Variants in STT3B observed in about 807,000 individuals in gnomAD.
STT3B encodes dolichyl-diphosphooligosaccharide--protein glycosyltransferase subunit STT3B.
STT3B carries 29 observed loss-of-function variants against 96.8 expected under a neutral mutation model. That is an observed-to-expected ratio of 0.30 (90% CI 0.22 to 0.41). The LOEUF (loss-of-function observed/expected upper bound fraction) is 0.41. Among genes scored for constraint, STT3B ranks in the 10% least tolerant of loss-of-function variants. STT3B has a pLI of 1.00. For missense variants in STT3B, 640 were observed against 1,022.3 expected (o/e 0.63, Z 5.10); for synonymous variants, 367 against 360.0 (o/e 1.02, Z -0.22).
chr3:31,581,674 G>T (rs558177350), intron 3 of STT3B, among the ~76,000 whole-genome samples: 10 of 152,290 alleles, frequency 6.6e-5, no homozygotes, highest in South Asian at 2.1e-4. Context: ...TGCAGTGTCT[G>T]TCTGTCTTAG....
intron 1 of STT3B, among the ~76,000 whole-genome samples, chr3:31,552,879 G>A (rs1052294807): frequency 6.6e-6 from 1 of 151,956 alleles, no homozygotes; most frequent in African/African-American, 2.4e-5. Flanking sequence ...CGAGACGGGC[G>A]GATCACGAGG....
intron 1 of STT3B, among the ~76,000 whole-genome samples, chr3:31,541,691 C>T (rs1431423401): frequency 6.6e-6 from 1 of 152,116 alleles, no homozygotes; most frequent in East Asian, 1.9e-4. Context: ...ATTCTCCTGC[C>T]TCAGCCTTCT....
intron 3 of STT3B, among the ~76,000 whole-genome samples, chr3:31,582,150 G>C (rs1698419718): frequency 6.6e-6 from 1 of 151,170 alleles, no homozygotes; most frequent in African/African-American, 2.5e-5. Flanking sequence ...TGGTTTCATT[G>C]ATTTTTTTCT....
At chr3:31,549,234 A>G (rs1356505959) in intron 1 of STT3B, among the ~76,000 whole-genome samples, 1 of 152,066 alleles carries the variant, frequency 6.6e-6, no homozygotes, top group Non-Finnish European at 1.5e-5. Context: ...CATTAGGAAC[A>G]AGTATATCCA....
chr3:31,633,280 T>A, intron 15 of STT3B, 133 bp downstream of exon 15: 2 of 770,746 alleles, frequency 2.6e-6, no homozygotes, highest in Non-Finnish European at 4.1e-6. Flanking sequence ...TAATACGAAG[T>A]AAATATCAGC....
intron 7 of STT3B, among the ~76,000 whole-genome samples, chr3:31,617,356 A>G (rs1184398884): frequency 6.6e-6 from 1 of 151,600 alleles, no homozygotes; most frequent in East Asian, 1.9e-4. Flanking sequence ...TCTTGCATGC[A>G]CACACACTCC....
At chr3:31,533,883 C>G (rs1317702386) in intron 1 of STT3B, among the ~76,000 whole-genome samples, 1 of 152,172 alleles carries the variant, frequency 6.6e-6, no homozygotes, top group African/African-American at 2.4e-5. Flanking sequence ...TTTACTGTTT[C>G]TTTTTATGCT....
chr3:31,586,155 GGTA>G (rs1698530548), intron 3 of STT3B, among the ~76,000 whole-genome samples: 1 of 152,088 alleles, frequency 6.6e-6, no homozygotes, highest in Admixed American at 6.6e-5. Flanking sequence ...CTTGTAGGTA[GGTA>G]GTAGTATCTT....
intron 1 of STT3B, among the ~76,000 whole-genome samples, chr3:31,553,917 G>A (rs1365310078): frequency 6.6e-6 from 1 of 151,974 alleles, no homozygotes; most frequent in Non-Finnish European, 1.5e-5. Context: ...TGGCCCTGAA[G>A]TGAATAGTTA....
At chr3:31,533,547 C>T (rs1336070320) in intron 1 of STT3B, 2 of 398,820 alleles carry the variant, frequency 5.0e-6, no homozygotes, top group Non-Finnish European at 8.0e-6. Context: ...CCTTGATTCT[C>T]GGCCGGGCTA....
In STT3B at chr3:31,636,101, C is replaced by A; in HGVS notation, c.*37C>A. The A allele has an allele frequency of 6.7e-7, 1 of 1,489,172 alleles. No individual in the cohort carries two copies. Among genetic ancestry groups the A allele is most frequent in the Non-Finnish European group, 9.2e-7 (1 of 1,090,666 alleles). 92.2% of individuals were successfully genotyped at this position (1,489,172 alleles called of 1,614,324 possible). A position where few individuals can be genotyped will look rare whatever the true frequency, so the allele number is the denominator to read the frequency against. On this transcript the variant is annotated 3_prime_UTR_variant, in exon 16 of 16. Transcript: ENST00000295770. ...TGGTTCCTAACTTGAAGCAGTTGTC[C>A]TTGTGAGAACCGGTCTTTGCCTTTA...
At chr3:31,593,342 G>T (rs1698709452) in intron 3 of STT3B, among the ~76,000 whole-genome samples, 1 of 151,396 alleles carries the variant, frequency 6.6e-6, no homozygotes, top group African/African-American at 2.4e-5. Context: ...TTACTTCCTT[G>T]TGGGTTTTTT....
intron 1 of STT3B, among the ~76,000 whole-genome samples, chr3:31,559,822 C>G (rs1053881766): frequency 4.6e-5 from 7 of 152,054 alleles, no homozygotes; most frequent in African/African-American, 1.7e-4. Flanking sequence ...TGGAATATAT[C>G]TCTTCCATTA....
In STT3B at chr3:31,636,301, AT is replaced by A. The variant is rs1046268484; in HGVS notation, c.*247del. 7.7e-3 allele frequency: 2,424 copies of A among 312,826 alleles called. No homozygotes were observed. The highest frequency in any genetic ancestry group is 0.011 in the East Asian group (225 of 19,688). The allele number at this position is 312,826 out of a possible 1,614,324, so 19.4% of individuals were successfully genotyped here. On this transcript the variant is annotated 3_prime_UTR_variant, in exon 16 of 16. Transcript: ENST00000295770. ...CACTGCTGTAAATGTCTAGCAGCAGATTTTTTTTTTATTGGTACATATTATC... is the reference window on the plus strand; with the variant it reads ...CACTGCTGTAAATGTCTAGCAGCAGATTTTTTTTTATTGGTACATATTATC...
At position 31,533,005 on chromosome 3, in the gene STT3B, G is replaced by C. The variant is rs764441079; in HGVS notation, c.7G>C (p.Glu3Gln). ...CCCGCCGCCGGGGCACAACATGGCG[G>C]AGCCCTCGGCCCCGGAGAGCAAGCA... MA[E>Q]PSAPESKHKS... is the part of the protein sequence containing the mutation. Residue 3 changes from glutamate (E) to glutamine (Q), a missense_variant, in exon 1 of 16, where the codon GAG (glutamate) becomes CAG (glutamine). Transcript: ENST00000295770. 2 of 1,588,228 alleles carry C rather than the reference G, an allele frequency of 1.3e-6. No individual in the cohort carries two copies. Among genetic ancestry groups the C allele is most frequent in the South Asian group, 2.2e-5 (2 of 89,776 alleles).
At chr3:31,587,388 A>G (rs1698566009) in intron 3 of STT3B, among the ~76,000 whole-genome samples, 1 of 151,974 alleles carries the variant, frequency 6.6e-6, no homozygotes, top group African/African-American at 2.4e-5. Context: ...GGAATTATAT[A>G]ATATGTTGCC....
intron 3 of STT3B, among the ~76,000 whole-genome samples, chr3:31,587,806 C>G (rs908272431): frequency 6.6e-6 from 1 of 152,024 alleles, no homozygotes. Context: ...TTTTTATGCT[C>G]TATTTTAATT....
chr3:31,578,069 A>G (rs1387949148), intron 2 of STT3B, among the ~76,000 whole-genome samples: 1 of 152,110 alleles, frequency 6.6e-6, no homozygotes, highest in East Asian at 1.9e-4. Flanking sequence ...ACTTAAGGTT[A>G]TTATAAATGT....
chr3:31,533,437 G>C, intron 1 of STT3B, 125 bp downstream of exon 1: 3 of 1,218,350 alleles, frequency 2.5e-6, no homozygotes, highest in Non-Finnish European at 3.1e-6. Context: ...CGTCCTGGCT[G>C]AGGCCGGCGC....
Sources: allele counts gnomAD v4.1 joint callset (sites outside exome capture counted in the v4.1 genomes callset), GRCh38; gene constraint gnomAD v4.1.1; transcripts MANE v1.5; gene names NCBI Gene and HGNC (gene_info 2026-07-23, HGNC 2026-07-21).